Variants in TBX15 observed in about 807,000 individuals in gnomAD.
TBX15 encodes the protein T-box transcription factor TBX15.
In TBX15, 18 loss-of-function variants were observed where a neutral mutation model predicts 53.9. That is an observed-to-expected ratio of 0.33 (90% CI 0.23 to 0.49). The LOEUF (loss-of-function observed/expected upper bound fraction) is 0.49. Ranked by LOEUF, TBX15 falls within the 20% of genes least tolerant of loss-of-function variation. The pLI, the probability that TBX15 is intolerant of heterozygous loss-of-function variation, is 0.98. For synonymous variants in TBX15, 295 were observed against 278.0 expected (o/e 1.06, Z -0.61); for missense variants, 692 against 749.5 (o/e 0.92, Z 0.90).
In TBX15 at chr1:118,883,964, G is replaced by A. The variant is rs1397043168; in HGVS notation, c.*768C>T. The A allele has an allele frequency of 6.5e-6, 1 of 152,772 alleles. No homozygotes were observed. The highest frequency in any genetic ancestry group is 2.4e-5 in the African/African-American group (1 of 41,420). The allele number at this position is 152,772 out of a possible 1,614,324, so 9.5% of individuals were successfully genotyped here. ...TTCCTGTTCTCTATTCTTTCTGTTT[G>A]TCTTTCTCCTGTTCAGCTTCTCTTT... On this transcript the variant is annotated 3_prime_UTR_variant, in exon 8 of 8. Coordinates refer to ENST00000369429, the MANE Select transcript of TBX15 (RefSeq NM_001330677.2).
chr1:118,911,714 C>T (rs1655032520), intron 6 of TBX15, among the ~76,000 whole-genome samples: 1 of 152,194 alleles, frequency 6.6e-6, no homozygotes, highest in Admixed American at 6.5e-5. Flanking sequence ...TCATGATACT[C>T]AGTCATGTTC....
chr1:118,955,522 G>T (rs1438787535), intron 1 of TBX15, among the ~76,000 whole-genome samples: 1 of 152,138 alleles, frequency 6.6e-6, no homozygotes, highest in African/African-American at 2.4e-5. Context: ...ACAATCTAGT[G>T]TGTAGACAGT....
chr1:118,970,007 A>G (rs1657177163), intron 1 of TBX15, among the ~76,000 whole-genome samples: 1 of 152,166 alleles, frequency 6.6e-6, no homozygotes, highest in South Asian at 2.1e-4. Flanking sequence ...GAGTTCTCAC[A>G]ATATCTTGTT....
intron 1 of TBX15, among the ~76,000 whole-genome samples, chr1:118,945,262 C>G: frequency 6.6e-6 from 1 of 152,258 alleles, no homozygotes; most frequent in Non-Finnish European, 1.5e-5. Flanking sequence ...TTCATTTCAT[C>G]TTTTTGGCAG....
At chr1:118,890,467 G>A (rs1654101205) in intron 7 of TBX15, among the ~76,000 whole-genome samples, 1 of 152,264 alleles carries the variant, frequency 6.6e-6, no homozygotes, top group Non-Finnish European at 1.5e-5. Flanking sequence ...ATCTCCTACA[G>A]CACCAGCTCC....
intron 1 of TBX15, among the ~76,000 whole-genome samples, chr1:118,971,392 G>A (rs538273110): frequency 6.6e-6 from 1 of 152,270 alleles, no homozygotes; most frequent in Admixed American, 6.5e-5. Flanking sequence ...TTGAAGCCAA[G>A]TCATCTGTAA....
At chr1:118,905,034 C>G (rs1779426) in intron 6 of TBX15, among the ~76,000 whole-genome samples, 110 of 152,188 alleles carry the variant, frequency 7.2e-4, no homozygotes, top group African/African-American at 2.4e-3. Flanking sequence ...AGAGAGAAAA[C>G]ATAATGAAAG....
chr1:118,959,133 G>A (rs554354917), intron 1 of TBX15, among the ~76,000 whole-genome samples: 2 of 151,986 alleles, frequency 1.3e-5, no homozygotes, highest in African/African-American at 4.8e-5. Flanking sequence ...AAAGGAAAAA[G>A]GGGAATGTGG....
chr1:118,909,540 A>G (rs1654956662), intron 6 of TBX15, among the ~76,000 whole-genome samples: 1 of 151,976 alleles, frequency 6.6e-6, no homozygotes, highest in South Asian at 2.1e-4. Context: ...TTCTCCATGG[A>G]TATCTCTGTT....
intron 1 of TBX15, among the ~76,000 whole-genome samples, chr1:118,963,102 T>G (rs959033914): frequency 2.6e-5 from 4 of 152,356 alleles, no homozygotes; most frequent in African/African-American, 9.6e-5. Flanking sequence ...AAGCCTAACA[T>G]TCTTGTTGAA....
rs371191582 is a variant in TBX15 at position 118,885,368 on chromosome 1, C to A, written c.1173G>T (p.Leu391=). ...GATAATCAGAGAGGTTTAGATTACA[C>A]AGCTGGCTTTCTCGGCAGCCCACAT... is the stretch of plus-strand genomic sequence containing the variant. ...TFNVGCRESQ[L]CNLNLSDYPP... Residue 391 remains leucine, a synonymous_variant, in exon 8 of 8, where the codon CTG becomes CTT. Coordinates refer to ENST00000369429, the MANE Select transcript of TBX15 (RefSeq NM_001330677.2). 1 of 1,613,882 alleles carries A rather than the reference C, an allele frequency of 6.2e-7. No homozygotes were observed. The highest frequency in any genetic ancestry group is 1.3e-5 in the African/African-American group (1 of 74,912).
chr1:118,951,073 T>C (rs1656497054), intron 1 of TBX15, among the ~76,000 whole-genome samples: 1 of 152,258 alleles, frequency 6.6e-6, no homozygotes, highest in African/African-American at 2.4e-5. Flanking sequence ...AGATGCCATG[T>C]AGCTATCTAT....
At position 118,884,346 on chromosome 1, in the gene TBX15, A is replaced by C. The variant is rs1258060143; in HGVS notation, c.*386T>G. 1 of 284,356 alleles carries C rather than the reference A, an allele frequency of 3.5e-6. No homozygotes were observed. The highest frequency in any genetic ancestry group is 6.8e-6 in the Non-Finnish European group (1 of 148,096). The allele number at this position is 284,356 out of a possible 1,614,324, so 17.6% of individuals were successfully genotyped here. On this transcript the variant is annotated 3_prime_UTR_variant, in exon 8 of 8. Transcript: ENST00000369429. The stretch of plus-strand genomic sequence containing the variant: ...TGTATGAATATGTATGTGTGTGTGC[A>C]CGTATGTATAGGTAGGTCTGTCTGT...
At chr1:118,949,324 C>T (rs1656442573) in intron 1 of TBX15, among the ~76,000 whole-genome samples, 1 of 152,162 alleles carries the variant, frequency 6.6e-6, no homozygotes, top group Non-Finnish European at 1.5e-5. Flanking sequence ...TTCCAAGTGG[C>T]CCAGATTTTC....
At chr1:118,987,501 G>T in intron 1 of TBX15, 90 bp downstream of exon 1, 6 of 1,405,514 alleles carry the variant, frequency 4.3e-6, no homozygotes, top group Non-Finnish European at 5.6e-6. Flanking sequence ...GGCGTCAATG[G>T]CAGGGCCTAG....
At chr1:118,916,955 C>T (rs935021809) in intron 5 of TBX15, among the ~76,000 whole-genome samples, 1 of 152,022 alleles carries the variant, frequency 6.6e-6, no homozygotes, top group African/African-American at 2.4e-5. Context: ...AATAGGAATG[C>T]TTTTCACTGT....
intron 5 of TBX15, among the ~76,000 whole-genome samples, chr1:118,915,981 T>A (rs1655206929): frequency 6.6e-6 from 1 of 152,184 alleles, no homozygotes; most frequent in Non-Finnish European, 1.5e-5. Flanking sequence ...AAAAACAATA[T>A]CTGTACACTT....
At chr1:118,925,606 C>A (rs1655568208) in intron 3 of TBX15, among the ~76,000 whole-genome samples, 1 of 152,222 alleles carries the variant, frequency 6.6e-6, no homozygotes, top group Admixed American at 6.5e-5. Context: ...TTTCCTGCTT[C>A]TCAGTTCTAA....
At chr1:118,979,080 G>A (rs1253635831) in intron 1 of TBX15, among the ~76,000 whole-genome samples, 1 of 152,202 alleles carries the variant, frequency 6.6e-6, no homozygotes, top group East Asian at 1.9e-4. Context: ...GAGCAAGGAT[G>A]CATCGGGACA....
Sources: allele counts gnomAD v4.1 joint callset (sites outside exome capture counted in the v4.1 genomes callset), GRCh38; gene constraint gnomAD v4.1.1; transcripts MANE v1.5; gene names NCBI Gene and HGNC (gene_info 2026-07-23, HGNC 2026-07-21).